Variants in DCDC1 observed in about 807,000 individuals in gnomAD.
The protein encoded by DCDC1 is doublecortin domain-containing protein 1.
DCDC1 carries 200 observed loss-of-function variants against 178.3 expected under a neutral mutation model. The ratio of observed to expected loss-of-function variants is 1.12; its 90% CI spans 1.00 to 1.26. DCDC1 has a LOEUF of 1.26. Ranked by LOEUF, DCDC1 falls within the 50% of genes most tolerant of loss-of-function variation. The pLI, the probability that DCDC1 is intolerant of heterozygous loss-of-function variation, is 0.00. For synonymous variants in DCDC1, 690 were observed against 604.8 expected (o/e 1.14, Z -2.07); for missense variants, 1,983 against 1,749.2 (o/e 1.13, Z -2.38).
intron 38 of DCDC1, among the ~76,000 whole-genome samples, chr11:30,869,414 CT>C (rs1408293532): frequency 1.3e-5 from 2 of 152,144 alleles, no homozygotes; most frequent in Non-Finnish European, 2.9e-5. Flanking sequence ...AAAAATAAAA[CT>C]TTTTAAACCA....
intron 20 of DCDC1, among the ~76,000 whole-genome samples, chr11:31,038,230 C>G (rs908054150): frequency 2.0e-5 from 3 of 150,818 alleles, no homozygotes; most frequent in Admixed American, 2.0e-4. Flanking sequence ...TATATATATA[C>G]ACACACACAC....
chr11:31,357,606 G>C (rs894434892), intron 1 of DCDC1, among the ~76,000 whole-genome samples: 2 of 151,990 alleles, frequency 1.3e-5, no homozygotes, highest in African/African-American at 4.8e-5. Context: ...CGCAGGAGAA[G>C]GAAATAAAGG....
chr11:31,294,729 AGGG>A, intron 6 of DCDC1, among the ~76,000 whole-genome samples: 1 of 40,876 alleles, frequency 2.4e-5, no homozygotes, highest in Admixed American at 3.3e-4. Context: ...GAAGGAAGGG[AGGG>A]AGGGAGGGAG....
At chr11:31,106,521 C>T (rs2135767104) in intron 13 of DCDC1, among the ~76,000 whole-genome samples, 1 of 152,300 alleles carries the variant, frequency 6.6e-6, no homozygotes, top group African/African-American at 2.4e-5. Context: ...AAGGTGACTA[C>T]TCAGACATGA....
At chr11:30,911,276 C>T (rs1945430289) in intron 28 of DCDC1, 51 bp downstream of exon 28, 2 of 1,465,742 alleles carry the variant, frequency 1.4e-6, no homozygotes, top group Non-Finnish European at 1.9e-6. Context: ...CAAAGCTTTA[C>T]TTAAATTTAA....
intron 1 of DCDC1, among the ~76,000 whole-genome samples, chr11:31,363,962 C>T (rs1442308934): frequency 6.6e-6 from 1 of 152,078 alleles, no homozygotes; most frequent in Non-Finnish European, 1.5e-5. Flanking sequence ...TTGATCTCTT[C>T]CCAGGCTAGT....
At chr11:30,989,956 G>C (rs987556282) in intron 20 of DCDC1, among the ~76,000 whole-genome samples, 3 of 152,158 alleles carry the variant, frequency 2.0e-5, no homozygotes, top group African/African-American at 7.2e-5. Context: ...CTGGTCATGT[G>C]TGCAGGTGTG....
At chr11:30,972,112 T>C (rs987752858) in intron 20 of DCDC1, among the ~76,000 whole-genome samples, 2 of 152,130 alleles carry the variant, frequency 1.3e-5, no homozygotes, top group African/African-American at 4.8e-5. Context: ...GATTTAGACA[T>C]CCAAGTACAG....
intron 9 of DCDC1, among the ~76,000 whole-genome samples, chr11:31,168,342 T>C (rs1230551860): frequency 3.9e-5 from 6 of 152,216 alleles, no homozygotes; most frequent in Admixed American, 6.5e-5. Context: ...CATAAATTTA[T>C]GATTTGTCTG....
At chr11:31,326,372 TA>T (rs139125685) in intron 3 of DCDC1, among the ~76,000 whole-genome samples, 1 of 151,502 alleles carries the variant, frequency 6.6e-6, no homozygotes, top group Non-Finnish European at 1.5e-5. Flanking sequence ...AGCTTTACCA[TA>T]AAAAAAATAA....
chr11:31,285,527 A>T (rs1946758046), intron 7 of DCDC1, among the ~76,000 whole-genome samples: 1 of 152,164 alleles, frequency 6.6e-6, no homozygotes, highest in South Asian at 2.1e-4. Context: ...TTACTAATTT[A>T]TGTGTGAACA....
chr11:31,063,598 G>C (rs1383018712), intron 20 of DCDC1, among the ~76,000 whole-genome samples: 1 of 152,102 alleles, frequency 6.6e-6, no homozygotes, highest in African/African-American at 2.4e-5. Context: ...ATTTAGGAAG[G>C]CTGGGTGTGG....
rs181167717 is a variant in DCDC1 at position 30,952,555 on chromosome 11, G to A, written c.2605C>T (p.His869Tyr). The A allele has an allele frequency of 6.4e-6, 9 of 1,415,370 alleles. No homozygotes were observed. The African/African-American group carries it at 1.3e-4, about 20-fold the overall frequency. The allele number at this position is 1,415,370 out of a possible 1,614,324, so 87.7% of individuals were successfully genotyped here. ...KASAQRWAIK[H>Y]EGTSKPGQWK... ...TGGCCTGGCTTACTGGTTCCTTCAT[G>A]TTTTATGGCCCACCTAAAACAAAAG... is the stretch of plus-strand genomic sequence containing the variant. The change falls in exon 21 of 39, where the codon CAT (histidine) becomes TAT (tyrosine). Residue 869 changes from histidine to tyrosine, a missense_variant. Coordinates refer to ENST00000684477, the MANE Select transcript of DCDC1 (RefSeq NM_001387274.1).
At chr11:30,996,547 T>G (rs1951283537) in intron 20 of DCDC1, among the ~76,000 whole-genome samples, 1 of 152,188 alleles carries the variant, frequency 6.6e-6, no homozygotes, top group South Asian at 2.1e-4. Flanking sequence ...TTAGATGCTC[T>G]TATAAAAGGG....
At chr11:31,325,317 T>C (rs1235360516) in intron 3 of DCDC1, among the ~76,000 whole-genome samples, 1 of 152,152 alleles carries the variant, frequency 6.6e-6, no homozygotes, top group Non-Finnish European at 1.5e-5. Context: ...CACTTGGGAA[T>C]GCATCAGACT....
At chr11:30,925,034 C>T (rs1946506826) in intron 23 of DCDC1, among the ~76,000 whole-genome samples, 1 of 151,220 alleles carries the variant, frequency 6.6e-6, no homozygotes, top group East Asian at 1.9e-4. Context: ...GACTGCGCCA[C>T]TGCACTCCAG....
chr11:31,127,117 C>T (rs1471956245), intron 11 of DCDC1, among the ~76,000 whole-genome samples: 2 of 152,162 alleles, frequency 1.3e-5, no homozygotes, highest in Non-Finnish European at 2.9e-5. Flanking sequence ...TTAAAGCTTG[C>T]CCATTTCTCC....
chr11:30,949,042 G>A (rs997431345), intron 21 of DCDC1, among the ~76,000 whole-genome samples: 3 of 152,124 alleles, frequency 2.0e-5, no homozygotes, highest in Non-Finnish European at 2.9e-5. Context: ...CAAAGCAAAG[G>A]AAACTATCAT....
intron 9 of DCDC1, among the ~76,000 whole-genome samples, chr11:31,153,751 C>T (rs1276724137): frequency 6.9e-6 from 1 of 144,916 alleles, no homozygotes; most frequent in African/African-American, 2.6e-5. Flanking sequence ...CCACAGCACT[C>T]CAGCCTGGGC....
Sources: allele counts gnomAD v4.1 joint callset (sites outside exome capture counted in the v4.1 genomes callset), GRCh38; gene constraint gnomAD v4.1.1; transcripts MANE v1.5; gene names NCBI Gene and HGNC (gene_info 2026-07-23, HGNC 2026-07-21).